Variants in UBN2 observed in about 807,000 individuals in gnomAD.
UBN2 encodes ubinuclein 2.
A neutral mutation model predicts 120.2 loss-of-function variants in UBN2; 35 were observed. The ratio of observed to expected loss-of-function variants is 0.29; its 90% CI spans 0.22 to 0.39. The LOEUF is 0.39. Ranked by LOEUF, UBN2 falls within the 10% of genes least tolerant of loss-of-function variation. UBN2 has a pLI of 1.00. For missense variants in UBN2, 1,693 were observed against 1,663.2 expected, an observed-to-expected ratio of 1.02 and a Z score of -0.31; for synonymous variants, 661 against 648.7, an observed-to-expected ratio of 1.02 and a Z score of -0.29.
chr7:139,293,349 G>A lies in UBN2; in HGVS notation c.3787G>A (p.Val1263Met). ...TGGGATGCTGGGTGGCCTTGTTCCA[G>A]TGACCATGCCCTTCCAGTTTCCCTT... ...PFGMLGGLVP[V>M]TMPFQFPLEI... The change falls in exon 16 of 18, where the codon GTG becomes ATG. Residue 1263 changes from valine to methionine, a missense_variant. Transcript: ENST00000473989. 6.2e-7 allele frequency: 1 copy of A among 1,614,168 alleles called. No homozygotes were observed. Among genetic ancestry groups the A allele is most frequent in the Non-Finnish European group, 8.5e-7 (1 of 1,180,034 alleles).
At position 139,305,089 on chromosome 7, in the gene UBN2, C is replaced by A. The variant is rs866668196; in HGVS notation, c.*7253C>A. On this transcript the variant is annotated 3_prime_UTR_variant, in exon 18 of 18. Coordinates refer to ENST00000473989, the MANE Select transcript of UBN2 (RefSeq NM_173569.4). The stretch of plus-strand genomic sequence containing the variant: ...GTCTTTGGGTTGTTAATGATAAAAT[C>A]ATCCCAGTGTTCAATTCTGAGAGTT... 6.6e-6 allele frequency: 1 copy of A among 152,190 alleles called. No individual in the cohort carries two copies. The highest frequency in any genetic ancestry group is 2.4e-5 in the African/African-American group (1 of 41,446). 9.4% of individuals were successfully genotyped at this position (152,190 alleles called of 1,614,324 possible). A position where few individuals can be genotyped will look rare whatever the true frequency, so the allele number is the denominator to read the frequency against.
chr7:139,322,756 T>A, the UBN2 span, among the ~76,000 whole-genome samples: 1 of 152,004 alleles, frequency 6.6e-6, no homozygotes, highest in South Asian at 2.1e-4. Flanking sequence ...ATGGTCTCAG[T>A]CTCGATCTCC....
chr7:139,239,323 A>G (rs955938082), intron 2 of UBN2, among the ~76,000 whole-genome samples: 2 of 151,996 alleles, frequency 1.3e-5, no homozygotes, highest in African/African-American at 4.8e-5. Flanking sequence ...TGGAACTATC[A>G]CACTGTAACC....
chr7:139,237,691 TTAAG>T (rs2130928945), intron 2 of UBN2, among the ~76,000 whole-genome samples: 1 of 152,278 alleles, frequency 6.6e-6, no homozygotes, highest in East Asian at 1.9e-4. Context: ...GAGTTCAAGA[TTAAG>T]TAGCTGATAC....
intron 6 of UBN2, among the ~76,000 whole-genome samples, chr7:139,266,123 G>A (rs998560537): frequency 6.7e-6 from 1 of 148,338 alleles, no homozygotes; most frequent in African/African-American, 2.5e-5. Flanking sequence ...GGGCACAGTG[G>A]TACATACCTG....
chr7:139,292,330 A>G (rs1797985541), intron 15 of UBN2, among the ~76,000 whole-genome samples: 1 of 152,158 alleles, frequency 6.6e-6, no homozygotes, highest in Non-Finnish European at 1.5e-5. Context: ...ATGTTGGCAT[A>G]TTTCTTATTT....
chr7:139,237,571 T>C (rs981724201), intron 2 of UBN2, among the ~76,000 whole-genome samples: 1 of 152,154 alleles, frequency 6.6e-6, no homozygotes, highest in Non-Finnish European at 1.5e-5. Context: ...TATTATAGTC[T>C]TTCTAGAGTC....
chr7:139,257,846 C>T (rs1225076037), intron 3 of UBN2, among the ~76,000 whole-genome samples: 5 of 151,952 alleles, frequency 3.3e-5, no homozygotes, highest in African/African-American at 4.8e-5. Flanking sequence ...TGTGCAATGA[C>T]GCAATCTTGG....
At chr7:139,276,182 T>C in intron 12 of UBN2, 35 bp downstream of exon 12, 4 of 1,594,900 alleles carry the variant, frequency 2.5e-6, no homozygotes, top group Non-Finnish European at 3.4e-6. Flanking sequence ...GCTTCATTTA[T>C]TCACATTATG....
chr7:139,273,237 C>A, intron 9 of UBN2, 60 bp from the exon 10 acceptor site: 2 of 1,076,104 alleles, frequency 1.9e-6, no homozygotes, highest in South Asian at 1.7e-5. Flanking sequence ...ATTTATGGAG[C>A]ATATTATATA....
intron 13 of UBN2, among the ~76,000 whole-genome samples, chr7:139,281,628 A>G (rs1044343964): frequency 1.3e-5 from 2 of 152,236 alleles, no homozygotes; most frequent in Admixed American, 6.5e-5. Context: ...CTCTGCCAGT[A>G]TAAATCTGCA....
the UBN2 span, among the ~76,000 whole-genome samples, chr7:139,313,427 TA>T: frequency 6.6e-6 from 1 of 152,254 alleles, no homozygotes; most frequent in African/African-American, 2.4e-5. Flanking sequence ...ATTGATCCTT[TA>T]AAGTTGATTT....
chr7:139,309,554 T>A (rs138878863), downstream of UBN2, among the ~76,000 whole-genome samples: 235 of 152,344 alleles, frequency 1.5e-3, 1 homozygote, highest in African/African-American at 4.0e-3. Flanking sequence ...AATTTTTTTT[T>A]AAAACATATT....
intron 17 of UBN2, among the ~76,000 whole-genome samples, chr7:139,297,424 G>A (rs1197465702): frequency 1.3e-5 from 2 of 152,076 alleles, no homozygotes; most frequent in Non-Finnish European, 2.9e-5. Flanking sequence ...TTCCAAAGGA[G>A]TTGAAAGATG....
At chr7:139,330,351 T>A in the UBN2 span, among the ~76,000 whole-genome samples, 1 of 152,234 alleles carries the variant, frequency 6.6e-6, no homozygotes. Flanking sequence ...AAGTATGTTT[T>A]CATTGTTGTG....
chr7:139,247,233 A>C (rs888839628), intron 2 of UBN2, among the ~76,000 whole-genome samples: 2 of 152,126 alleles, frequency 1.3e-5, no homozygotes, highest in Admixed American at 6.6e-5. Context: ...GTGATGAATC[A>C]GAGAACAATT....
rs371717591 is a variant in UBN2 at position 139,240,454 on chromosome 7, A to ATATATAT, written c.561+3358_561+3359insATATATT. 4.3e-3 allele frequency among the ~76,000 whole-genome samples: 527 copies of ATATATAT among 123,094 alleles called. 3 individuals carry two copies. Among genetic ancestry groups the ATATATAT allele is most frequent in the East Asian group, 0.016 (69 of 4,390 alleles). The allele number at this position is 123,094 out of a possible 152,430, so 80.8% of individuals were successfully genotyped here. ...AATATATATATATATATATATATATATTTTTTTTTTTAAATAATTATTTGG... is the reference window on the plus strand; with the variant it reads ...AATATATATATATATATATATATATATATATATTTTTTTTTTTTAAATAATTATTTGG... On this transcript the variant is annotated intron_variant, in intron 2 of 17. Coordinates refer to ENST00000473989, the MANE Select transcript of UBN2 (RefSeq NM_173569.4).
chr7:139,293,783 C>A (rs1352660046), intron 16 of UBN2, 106 bp from the exon 17 acceptor site: 1 of 1,038,270 alleles, frequency 9.6e-7, no homozygotes, highest in Non-Finnish European at 1.5e-6. Flanking sequence ...AGAAGGCCTT[C>A]GAAGTCAGGT....
At chr7:139,311,833 A>G (rs955335843), downstream of UBN2, among the ~76,000 whole-genome samples, 2 of 152,184 alleles carry the variant, frequency 1.3e-5, no homozygotes, top group South Asian at 2.1e-4. Flanking sequence ...AGTCAAGGGA[A>G]TCTGGTTCAT....
Sources: gnomAD v4.1 joint callset for allele counts (sites outside exome capture counted in the v4.1 genomes callset) on GRCh38, gnomAD v4.1.1 for gene constraint, MANE v1.5 for transcripts, NCBI Gene and HGNC (gene_info 2026-07-23, HGNC 2026-07-21) for gene names.